The following ABTB2 variants were observed in gnomAD, a reference collection of about 807,000 sequenced individuals.
ABTB2 encodes the protein ankyrin repeat and BTB domain containing 2.
ABTB2 carries 56 observed loss-of-function variants against 104.1 expected under a neutral mutation model. The observed-to-expected ratio is 0.54, with a 90% CI of 0.43 to 0.67. The LOEUF is 0.67. ABTB2 is among the 30% of genes least tolerant of loss of function. The pLI, the probability that ABTB2 is intolerant of heterozygous loss-of-function variation, is 0.00. For synonymous variants in ABTB2, 606 were observed against 608.2 expected (o/e 1.00, Z 0.05); for missense variants, 1,279 against 1,407.7 (o/e 0.91, Z 1.46).
In ABTB2 at chr11:34,357,596, G is replaced by T. The variant is rs995247922; in HGVS notation, c.-13C>A. ...ACGTCCCGGCCATGGGGAGCCTGCC[G>T]AGGGCGGCGTCGCCGAGCGAGGGGC... On this transcript the variant is annotated 5_prime_UTR_variant, in exon 1 of 17. Transcript: ENST00000435224. The T allele has an allele frequency of 2.0e-5, 30 of 1,497,056 alleles. No individual in the cohort carries two copies. The Admixed American group carries it at 6.3e-4, about 31-fold the overall frequency. 92.7% of individuals were successfully genotyped at this position (1,497,056 alleles called of 1,614,324 possible). A position where few individuals can be genotyped will look rare whatever the true frequency, so the allele number is the denominator to read the frequency against.
chr11:34,186,913 C>T (rs1024211293), intron 3 of ABTB2, among the ~76,000 whole-genome samples: 3 of 152,204 alleles, frequency 2.0e-5, no homozygotes, highest in Non-Finnish European at 2.9e-5. Flanking sequence ...CCGAGATCCC[C>T]GGCTCCGGGG....
intron 3 of ABTB2, among the ~76,000 whole-genome samples, chr11:34,188,208 G>A (rs539657465): frequency 5.0e-4 from 76 of 152,264 alleles, no homozygotes; most frequent in African/African-American, 1.7e-3. Context: ...CCCATATCAT[G>A]GCCTTTTTAA....
At chr11:34,195,086 A>T (rs2957496) in intron 3 of ABTB2, among the ~76,000 whole-genome samples, 2 of 38,110 alleles carry the variant, frequency 5.2e-5, no homozygotes, top group East Asian at 1.1e-3. Flanking sequence ...GGGGGGGGGG[A>T]GTGGGGGCGG....
At chr11:34,171,395 T>C (rs1484631897) in intron 4 of ABTB2, among the ~76,000 whole-genome samples, 1 of 152,086 alleles carries the variant, frequency 6.6e-6, no homozygotes, top group Non-Finnish European at 1.5e-5. Context: ...GCCAACATGG[T>C]GAAACCCTGT....
intron 4 of ABTB2, among the ~76,000 whole-genome samples, chr11:34,172,413 T>G (rs1852890379): frequency 1.5e-5 from 1 of 68,380 alleles, no homozygotes; most frequent in African/African-American, 5.1e-5. Flanking sequence ...TATATATATA[T>G]ATATATGTGT....
intron 1 of ABTB2, among the ~76,000 whole-genome samples, chr11:34,227,622 A>T (rs907576988): frequency 6.6e-6 from 1 of 152,256 alleles, no homozygotes; most frequent in Non-Finnish European, 1.5e-5. Context: ...TGGCTATTAC[A>T]AACAATGCTG....
Position 34,173,148 on chromosome 11 carries a change from T to G in ABTB2, c.1397+7A>C. The G allele has an allele frequency of 6.2e-7, 1 of 1,613,590 alleles. No homozygotes were observed. The highest frequency in any genetic ancestry group is 8.5e-7 in the Non-Finnish European group (1 of 1,179,888). ...TGCCGGGGCCCTCCCTCCTCCCTGG[T>G]TCATACTTGAGCTGCCGAGGTTCAC... On this transcript the variant is annotated splice_region_variant and intron_variant, in intron 4 of 16. Coordinates refer to ENST00000435224, the MANE Select transcript of ABTB2 (RefSeq NM_145804.3).
At chr11:34,315,851 C>A (rs1854922096) in intron 1 of ABTB2, among the ~76,000 whole-genome samples, 1 of 152,212 alleles carries the variant, frequency 6.6e-6, no homozygotes, top group South Asian at 2.1e-4. Flanking sequence ...GAATTCCCAA[C>A]ACCTGTGCCA....
chr11:34,337,931 CAAAGACTGGCCTTTCCCA>C (rs1172601121), intron 1 of ABTB2, among the ~76,000 whole-genome samples: 2 of 152,174 alleles, frequency 1.3e-5, no homozygotes, highest in Non-Finnish European at 2.9e-5. Context: ...AGAAGACCCT[CAAAGACTGGCCTTTCCCA>C]AACTGTACAT....
chr11:34,156,103 C>T (rs1330712631), intron 14 of ABTB2, among the ~76,000 whole-genome samples: 1 of 152,248 alleles, frequency 6.6e-6, no homozygotes, highest in East Asian at 1.9e-4. Context: ...TAGGCTGCAG[C>T]TCCCTTCCTG....
Position 34,167,985 on chromosome 11 carries a change from G to T in ABTB2, c.1571C>A (p.Thr524Lys). 6.2e-7 allele frequency: 1 copy of T among 1,613,990 alleles called. No homozygotes were observed. The highest frequency in any genetic ancestry group is 8.5e-7 in the Non-Finnish European group (1 of 1,179,972). Reference sequence around the variant, plus strand: ...AGCAGCGCAGGCGTACATCAGTGGCGTCATACCCTGAGCAAATCAAATGCA... The same window carrying T: ...AGCAGCGCAGGCGTACATCAGTGGCTTCATACCCTGAGCAAATCAAATGCA... ...GVNTMDDQGM[T>K]PLMYACAAGD... The change falls in exon 6 of 17, where the codon ACG becomes AAG. Residue 524 changes from threonine (T) to lysine (K), a missense_variant. Transcript: ENST00000435224.
At chr11:34,253,070 C>T (rs1854073866) in intron 1 of ABTB2, among the ~76,000 whole-genome samples, 1 of 152,208 alleles carries the variant, frequency 6.6e-6, no homozygotes, top group Non-Finnish European at 1.5e-5. Flanking sequence ...AATGCTCCTC[C>T]CAGAGGATGG....
intron 1 of ABTB2, among the ~76,000 whole-genome samples, chr11:34,220,512 T>C (rs1325237580): frequency 1.3e-5 from 2 of 152,208 alleles, no homozygotes; most frequent in Non-Finnish European, 2.9e-5. Context: ...TGTGACATAC[T>C]GTTTGAAGAA....
intron 1 of ABTB2, among the ~76,000 whole-genome samples, chr11:34,235,638 G>A (rs1429736330): frequency 6.6e-6 from 1 of 152,156 alleles, no homozygotes; most frequent in East Asian, 1.9e-4. Flanking sequence ...AAGAGGATTT[G>A]CCTATCAGAG....
chr11:34,254,350 C>A (rs751448287), intron 1 of ABTB2, among the ~76,000 whole-genome samples: 1 of 152,030 alleles, frequency 6.6e-6, no homozygotes, highest in South Asian at 2.1e-4. Context: ...CAGGCTTAAG[C>A]GATCCTACCA....
chr11:34,274,515 T>TTAA (rs1854359176), intron 1 of ABTB2, among the ~76,000 whole-genome samples: 1 of 152,066 alleles, frequency 6.6e-6, no homozygotes, highest in Non-Finnish European at 1.5e-5. Flanking sequence ...TATAGCCGTT[T>TTAA]TAATATGATC....
chr11:34,234,139 C>T (rs1853809763), intron 1 of ABTB2, among the ~76,000 whole-genome samples: 1 of 152,140 alleles, frequency 6.6e-6, no homozygotes, highest in Admixed American at 6.5e-5. Context: ...TAGGGGGTTT[C>T]CCTTCTCCCC....
chr11:34,306,672 C>T (rs1854777118), intron 1 of ABTB2, among the ~76,000 whole-genome samples: 1 of 151,798 alleles, frequency 6.6e-6, no homozygotes, highest in Non-Finnish European at 1.5e-5. Flanking sequence ...TGCAGTGAGC[C>T]ATGACTGCAC....
At chr11:34,180,858 TA>T (rs1162158399) in intron 3 of ABTB2, among the ~76,000 whole-genome samples, 13 of 152,138 alleles carry the variant, frequency 8.5e-5, no homozygotes, top group Non-Finnish European at 1.3e-4. Context: ...AGAAAGCTAT[TA>T]TTCCCCCCTT....
Sources: gnomAD v4.1 joint callset for allele counts (sites outside exome capture counted in the v4.1 genomes callset) on GRCh38, gnomAD v4.1.1 for gene constraint, MANE v1.5 for transcripts, NCBI Gene and HGNC (gene_info 2026-07-23, HGNC 2026-07-21) for gene names.